The following MTUS1 variants were observed in gnomAD, a reference collection of about 807,000 sequenced individuals.
MTUS1 encodes microtubule associated scaffold protein 1, also known as microtubule-associated tumor suppressor 1.
A neutral mutation model predicts 120.8 loss-of-function variants in MTUS1; 109 were observed. The observed-to-expected ratio is 0.90, with a 90% CI of 0.77 to 1.06. MTUS1 has a LOEUF of 1.06. Ranked by LOEUF, MTUS1 falls within the 50% of genes least tolerant of loss-of-function variation. The pLI, the probability that MTUS1 is intolerant of heterozygous loss-of-function variation, is 0.00. For missense variants in MTUS1, 2,210 were observed against 1,486.3 expected (o/e 1.49, Z -8.01); for synonymous variants, 737 against 550.5 (o/e 1.34, Z -4.74).
chr8:17,744,982 G>C (rs1415790485), intron 2 of MTUS1, among the ~76,000 whole-genome samples: 3 of 152,116 alleles, frequency 2.0e-5, no homozygotes, highest in African/African-American at 7.2e-5. Flanking sequence ...CCCTAAAATG[G>C]ATGAAATCAA....
At position 17,676,406 on chromosome 8, in the gene MTUS1, GTCGGGTCTGTCTACA is replaced by G. The variant is rs1813128659; in HGVS notation, c.2839-1169_2839-1155del. 4.3e-6 allele frequency: 3 copies of G among 700,276 alleles called. No homozygotes were observed. The African/African-American group carries it at 5.2e-5, about 12-fold the overall frequency. 43.4% of individuals were successfully genotyped at this position (700,276 alleles called of 1,614,324 possible). A position where few individuals can be genotyped will look rare whatever the true frequency, so the allele number is the denominator to read the frequency against. ...ATACAGGTGGCCGCGCCACCCACCA[GTCGGGTCTGTCTACA>G]TTCAAAGCTCTAGCAGGAGGCGCGC... On this transcript the variant is annotated intron_variant, in intron 7 of 14. Transcript: ENST00000693296.
intron 4 of MTUS1, among the ~76,000 whole-genome samples, chr8:17,719,322 A>C (rs760718731): frequency 6.6e-6 from 1 of 152,228 alleles, no homozygotes; most frequent in African/African-American, 2.4e-5. Flanking sequence ...ATTTTATGTG[A>C]ATCAGTTTAA....
intron 11 of MTUS1, 40 bp downstream of exon 11, chr8:17,653,385 T>G (rs1807465381): frequency 6.5e-7 from 1 of 1,549,812 alleles, no homozygotes; most frequent in Admixed American, 2.0e-5. Flanking sequence ...AAATGATATT[T>G]TTTTTTGTGG....
At chr8:17,729,365 G>C (rs1206467993) in intron 3 of MTUS1, among the ~76,000 whole-genome samples, 1 of 152,194 alleles carries the variant, frequency 6.6e-6, no homozygotes, top group Admixed American at 6.5e-5. Context: ...TAAGAACTTA[G>C]CTTCAATGGT....
chr8:17,744,714 T>A (rs930708255), intron 2 of MTUS1, among the ~76,000 whole-genome samples: 1 of 150,398 alleles, frequency 6.6e-6, no homozygotes. Flanking sequence ...TTTTTTGATT[T>A]TTTGTATTTT....
At chr8:17,712,475 TC>T (rs1821508406) in intron 6 of MTUS1, among the ~76,000 whole-genome samples, 1 of 152,122 alleles carries the variant, frequency 6.6e-6, no homozygotes, top group African/African-American at 2.4e-5. Flanking sequence ...TGGCTGGGAC[TC>T]CAGGAGCGTA....
chr8:17,741,057 G>C (rs548495489), intron 3 of MTUS1, among the ~76,000 whole-genome samples: 1 of 151,984 alleles, frequency 6.6e-6, no homozygotes, highest in South Asian at 2.1e-4. Flanking sequence ...TTTTAGTAGA[G>C]AAGGGGTTTC....
At chr8:17,731,054 A>G (rs1281573638) in intron 3 of MTUS1, among the ~76,000 whole-genome samples, 3 of 152,244 alleles carry the variant, frequency 2.0e-5, no homozygotes, top group Admixed American at 1.3e-4. Context: ...TAAAATAATA[A>G]AAGTCCTACT....
intron 4 of MTUS1, among the ~76,000 whole-genome samples, chr8:17,716,248 C>T (rs1165514772): frequency 6.6e-6 from 1 of 152,122 alleles, no homozygotes; most frequent in Non-Finnish European, 1.5e-5. Context: ...AGGAAGAGCA[C>T]CCATCTCCAT....
At chr8:17,739,563 G>A (rs2047166989) in intron 3 of MTUS1, among the ~76,000 whole-genome samples, 1 of 152,112 alleles carries the variant, frequency 6.6e-6, no homozygotes, top group Non-Finnish European at 1.5e-5. Flanking sequence ...ATAGTATTGA[G>A]ATTAATAATG....
At chr8:17,741,110 C>T (rs2047287433) in intron 3 of MTUS1, among the ~76,000 whole-genome samples, 1 of 152,238 alleles carries the variant, frequency 6.6e-6, no homozygotes, top group African/African-American at 2.4e-5. Context: ...AACTCCTGAC[C>T]TCAGGTGATC....
chr8:17,789,097 A>G (rs2051550808), intron 1 of MTUS1, among the ~76,000 whole-genome samples: 1 of 151,620 alleles, frequency 6.6e-6, no homozygotes, highest in Non-Finnish European at 1.5e-5. Flanking sequence ...CAATGGCACG[A>G]TCTCAGCTCA....
At chr8:17,707,034 G>A (rs946019423) in intron 6 of MTUS1, among the ~76,000 whole-genome samples, 1 of 152,060 alleles carries the variant, frequency 6.6e-6, no homozygotes, top group Admixed American at 6.5e-5. Context: ...ACTACTTACA[G>A]CTTTAAAATA....
intron 6 of MTUS1, chr8:17,697,579 C>T (rs1427503147): frequency 7.4e-7 from 1 of 1,348,416 alleles, no homozygotes; most frequent in Non-Finnish European, 9.5e-7. Flanking sequence ...CTTCCGTTTT[C>T]ACTTTCAGAT....
rs1326511208 is a variant in MTUS1 at position 17,755,254 on chromosome 8, T to C, written c.554A>G (p.His185Arg). The stretch of plus-strand genomic sequence containing the variant: ...AGTTGGTGGCAGGCTTCCAGCAGTA[T>C]GGAAGGACTGACTCTTTCCGATGGC... ...HHAIGKSQSF[H>R]TAGSLPPTGR... is the part of the protein sequence containing the mutation. The change falls in exon 2 of 15, where the codon CAT (histidine) becomes CGT (arginine). Residue 185 changes from histidine (H) to arginine (R), a missense_variant. Physicochemically the swap from His to Arg is conservative, Grantham distance 29. Coordinates refer to ENST00000693296, the MANE Select transcript of MTUS1 (RefSeq NM_001363059.2). 1.2e-6 allele frequency: 2 copies of C among 1,614,204 alleles called. No individual in the cohort carries two copies. Among genetic ancestry groups the C allele is most frequent in the Admixed American group, 1.7e-5 (1 of 60,034 alleles).
intron 4 of MTUS1, among the ~76,000 whole-genome samples, chr8:17,719,025 C>T (rs768611534): frequency 6.6e-6 from 1 of 152,016 alleles, no homozygotes; most frequent in Non-Finnish European, 1.5e-5. Flanking sequence ...CAAATATTAG[C>T]TGGACGTGGT....
chr8:17,744,252 G>A (rs1200168583), intron 2 of MTUS1, among the ~76,000 whole-genome samples: 2 of 152,124 alleles, frequency 1.3e-5, no homozygotes, highest in East Asian at 1.9e-4. Flanking sequence ...GAAATTAGCT[G>A]AGAGTCTAGC....
At chr8:17,761,578 T>C (rs553134580) in intron 1 of MTUS1, among the ~76,000 whole-genome samples, 1 of 152,356 alleles carries the variant, frequency 6.6e-6, no homozygotes, top group African/African-American at 2.4e-5. Context: ...ATGTCTTCTA[T>C]ATCTCCCTAT....
intron 1 of MTUS1, among the ~76,000 whole-genome samples, chr8:17,791,385 T>C (rs749660016): frequency 5.9e-5 from 9 of 152,202 alleles, no homozygotes; most frequent in Non-Finnish European, 1.0e-4. Context: ...CATTTTACAA[T>C]TGAAACTCTA....
Sources: allele counts gnomAD v4.1 joint callset (sites outside exome capture counted in the v4.1 genomes callset), GRCh38; gene constraint gnomAD v4.1.1; transcripts MANE v1.5; gene names NCBI Gene and HGNC (gene_info 2026-07-23, HGNC 2026-07-21).